SULF2: variants seen among roughly 807,000 people sequenced by gnomAD.
SULF2 encodes the protein extracellular sulfatase Sulf-2.
A neutral mutation model predicts 107.7 loss-of-function variants in SULF2; 52 were observed. The ratio of observed to expected loss-of-function variants is 0.48; its 90% CI spans 0.39 to 0.61. The LOEUF (loss-of-function observed/expected upper bound fraction) is 0.61, where lower values mean the gene tolerates loss of function less well. SULF2 is among the 20% of genes least tolerant of loss of function. The probability of loss-of-function intolerance (pLI) is 0.00; values close to 1 mark genes in which losing one functional copy is unlikely to be tolerated. For synonymous variants in SULF2, 460 were observed against 464.3 expected (o/e 0.99, Z 0.12); for missense variants, 993 against 1,177.3 (o/e 0.84, Z 2.29).
intron 15 of SULF2, 59 bp from the exon 16 acceptor site, chr20:47,663,681 C>T: frequency 1.3e-6 from 2 of 1,504,024 alleles, no homozygotes; most frequent in South Asian, 2.6e-5. Flanking sequence ...GACCCCATGT[C>T]TCTGCTCTTC....
intron 3 of SULF2, among the ~76,000 whole-genome samples, chr20:47,712,772 G>A (rs747217147): frequency 1.3e-5 from 2 of 152,204 alleles, no homozygotes; most frequent in African/African-American, 2.4e-5. Context: ...GGTGGCTCAC[G>A]CCTGTAATCC....
intron 1 of SULF2, among the ~76,000 whole-genome samples, chr20:47,764,739 C>A (rs2090492829): frequency 6.6e-6 from 1 of 152,118 alleles, no homozygotes; most frequent in African/African-American, 2.4e-5. Flanking sequence ...CAAAAAAGTG[C>A]CCTTTGCTGC....
chr20:47,675,502 G>GTACTAA (rs902425353), intron 10 of SULF2, among the ~76,000 whole-genome samples: 1 of 152,216 alleles, frequency 6.6e-6, no homozygotes, highest in Non-Finnish European at 1.5e-5. Context: ...GTATGGGCCT[G>GTACTAA]TACTAATTCT....
At chr20:47,721,358 TAAG>T (rs2089292378) in intron 3 of SULF2, among the ~76,000 whole-genome samples, 1 of 131,920 alleles carries the variant, frequency 7.6e-6, no homozygotes, top group Non-Finnish European at 1.6e-5. Context: ...ACTTGCCCTT[TAAG>T]AAGAAGCTAT....
intron 1 of SULF2, among the ~76,000 whole-genome samples, chr20:47,785,026 T>C (rs6018687): frequency 0.67 from 102,348 of 151,852 alleles, 35,102 homozygotes; most frequent in East Asian, 0.9. Flanking sequence ...CGCGCTCCCC[T>C]ACCCGGGGCC....
intron 5 of SULF2, among the ~76,000 whole-genome samples, chr20:47,688,289 G>A (rs897994807): frequency 1.3e-5 from 2 of 152,000 alleles, no homozygotes; most frequent in Non-Finnish European, 2.9e-5. Flanking sequence ...GGTTTCTTTC[G>A]GAAATGATTA....
At chr20:47,692,907 AG>A (rs2088244440) in intron 4 of SULF2, among the ~76,000 whole-genome samples, 1 of 152,204 alleles carries the variant, frequency 6.6e-6, no homozygotes, top group Non-Finnish European at 1.5e-5. Flanking sequence ...GTGGGGGCAG[AG>A]GGAAGGGAAG....
intron 3 of SULF2, among the ~76,000 whole-genome samples, chr20:47,717,299 A>G (rs971749550): frequency 6.6e-6 from 1 of 152,196 alleles, no homozygotes; most frequent in Non-Finnish European, 1.5e-5. Flanking sequence ...TGAGGCACAG[A>G]GAGGCAAAGT....
rs1346350583 is a variant in SULF2 at position 47,672,354 on chromosome 20, G to A, written c.1420C>T (p.Leu474=). The change falls in exon 11 of 21, where the codon CTG becomes TTG. Residue 474 remains leucine, a synonymous_variant. Coordinates refer to ENST00000688720, the MANE Select transcript of SULF2 (RefSeq NM_001387048.1). ...CVEDATGKLK[L]HKCKGPMRLG... ...CGCATGGGGCCCTTGCACTTATGCAGCTTCAGCTTCCCCGTGGCGTCCTCC... is the reference window on the plus strand; with the variant it reads ...CGCATGGGGCCCTTGCACTTATGCAACTTCAGCTTCCCCGTGGCGTCCTCC... 2 of 1,612,728 alleles carry A rather than the reference G, an allele frequency of 1.2e-6. No homozygotes were observed. The highest frequency in any genetic ancestry group is 2.2e-5 in the East Asian group (1 of 44,884).
chr20:47,716,864 G>C (rs372266977), intron 3 of SULF2, among the ~76,000 whole-genome samples: 1 of 152,092 alleles, frequency 6.6e-6, no homozygotes, highest in Non-Finnish European at 1.5e-5. Flanking sequence ...TATAAATATA[G>C]CCAGTCGTGG....
chr20:47,687,991 T>C (rs566349631), intron 5 of SULF2, among the ~76,000 whole-genome samples: 2 of 152,194 alleles, frequency 1.3e-5, no homozygotes, highest in South Asian at 4.1e-4. Flanking sequence ...TTGCATGTCT[T>C]TGTGTGTGTC....
At position 47,666,468 on chromosome 20, in the gene SULF2, G is replaced by C; in HGVS notation, c.1597C>G (p.Arg533Gly). The change falls in exon 12 of 21, where the codon CGC becomes GGC. Residue 533 changes from arginine (R) to glycine (G), a missense_variant. Physicochemically the swap from Arg to Gly is moderately radical, Grantham distance 125. Transcript: ENST00000688720. The surrounding 1 kb of genome is among the most constrained non-coding windows in gnomAD (Gnocchi z 5.4). ...FKKKYKASYV[R>G]SRSIRSVAIE... The stretch of plus-strand genomic sequence containing the variant: ...GCCACTGAGCGGATGGAGCGACTGC[G>C]GACATAGCTGGCCTTGTACTCTGTG... 5 of 1,613,310 alleles carry C rather than the reference G, an allele frequency of 3.1e-6. No homozygotes were observed. Among genetic ancestry groups the C allele is most frequent in the Non-Finnish European group, 4.2e-6 (5 of 1,180,002 alleles).
chr20:47,771,478 C>T (rs2090628900), intron 1 of SULF2, among the ~76,000 whole-genome samples: 1 of 152,182 alleles, frequency 6.6e-6, no homozygotes, highest in Admixed American at 6.5e-5. Context: ...CTAACAAACC[C>T]AGAAAACCCC....
chr20:47,733,846 A>G (rs1285816697), intron 3 of SULF2, among the ~76,000 whole-genome samples: 1 of 152,184 alleles, frequency 6.6e-6, no homozygotes, highest in Non-Finnish European at 1.5e-5. Context: ...AAGATCAAAT[A>G]CCTTACTAAA....
chr20:47,759,758 C>T lies in SULF2; in HGVS notation c.-100-2295G>A, dbSNP rs1211852662. 4.6e-5 allele frequency among the ~76,000 whole-genome samples: 7 copies of T among 152,318 alleles called. No individual in the cohort carries two copies. In the East Asian group the frequency reaches 5.8e-4, roughly 13 times the overall value. On this transcript the variant is annotated intron_variant, in intron 1 of 20. Transcript: ENST00000688720. Reference sequence around the variant, plus strand: ...TGGCTCTTTCTGTCAAAAGAACAAACGTCATCACCTCAGAGAGGCCTGCCC... The same window carrying T: ...TGGCTCTTTCTGTCAAAAGAACAAATGTCATCACCTCAGAGAGGCCTGCCC...
rs965153294 is a variant in SULF2, at chr20:47,745,560, C to G, written c.176-8618G>C. ...TTTACTTATTTGAGACAGAGTTTCT[C>G]TCTTGTCACCCAGGCTGGAGTGCAA... On this transcript the variant is annotated intron_variant, in intron 2 of 20. Transcript: ENST00000688720. Among the ~76,000 whole-genome samples, 6 of 150,936 alleles carry G rather than the reference C, an allele frequency of 4.0e-5. No individual in the cohort carries two copies. In the East Asian group the frequency reaches 7.8e-4, roughly 20 times the overall value.
In SULF2 at chr20:47,757,412, A is replaced by G. The variant is rs2090320396; in HGVS notation, c.-49T>C. ...CTTCTTTTGGGATGCGGGAGTCTCA[A>G]GTTGCGTCTGTGGCTTTGTTTCTTT... On this transcript the variant is annotated 5_prime_UTR_variant, in exon 2 of 21. Coordinates refer to ENST00000688720, the MANE Select transcript of SULF2 (RefSeq NM_001387048.1). The G allele has an allele frequency of 2.0e-6, 3 of 1,518,172 alleles. No individual in the cohort carries two copies. Among genetic ancestry groups the G allele is most frequent in the Admixed American group, 4.2e-5 (2 of 47,864 alleles). 94.0% of individuals were successfully genotyped at this position (1,518,172 alleles called of 1,614,324 possible). A position where few individuals can be genotyped will look rare whatever the true frequency, so the allele number is the denominator to read the frequency against.
In SULF2 at chr20:47,678,664, C is replaced by A. The variant is rs35473625; in HGVS notation, c.1193+12G>T. Reference sequence around the variant, plus strand: ...CCCGGCCCCCTCAACACCTGCCCTGCTCCGTCCTCACCGATTCACCGGCCG... The same window carrying A: ...CCCGGCCCCCTCAACACCTGCCCTGATCCGTCCTCACCGATTCACCGGCCG... On this transcript the variant is annotated intron_variant, in intron 8 of 20. Transcript: ENST00000688720. This position sits in a 1 kb window ranked among gnomAD's most constrained non-coding sequence, Gnocchi z 4.5. 0.013 allele frequency: 20,288 copies of A among 1,613,502 alleles called. 166 individuals are homozygous for A. The highest frequency in any genetic ancestry group is 0.014 in the Non-Finnish European group (16,391 of 1,179,884).
intron 3 of SULF2, among the ~76,000 whole-genome samples, chr20:47,731,096 C>G (rs990137814): frequency 3.9e-5 from 6 of 151,986 alleles, no homozygotes; most frequent in African/African-American, 1.5e-4. Context: ...GGAGTGCCAG[C>G]CACCATGTCC....
Sources: allele counts gnomAD v4.1 joint callset (sites outside exome capture counted in the v4.1 genomes callset), GRCh38; gene constraint gnomAD v4.1.1; non-coding constraint Gnocchi (gnomAD v3.1); transcripts MANE v1.5; gene names NCBI Gene and HGNC (gene_info 2026-07-23, HGNC 2026-07-21).